CCDC14: variants seen among roughly 807,000 people sequenced by gnomAD.
CCDC14 encodes the protein coiled-coil domain containing 14.
A neutral mutation model predicts 81.4 loss-of-function variants in CCDC14; 71 were observed. The observed-to-expected ratio is 0.87, with a 90% CI of 0.72 to 1.06. CCDC14 has a LOEUF of 1.06. Ranked by LOEUF, CCDC14 falls within the 50% of genes least tolerant of loss-of-function variation. The probability of loss-of-function intolerance (pLI) is 0.00; values close to 1 mark genes in which losing one functional copy is unlikely to be tolerated. For synonymous variants in CCDC14, 332 were observed against 364.8 expected (o/e 0.91, Z 1.03); for missense variants, 1,046 against 1,047.3 (o/e 1.00, Z 0.02).
chr3:123,898,250 AT>A (rs1322064114), intron 5 of CCDC14, among the ~76,000 whole-genome samples: 2 of 152,254 alleles, frequency 1.3e-5, no homozygotes, highest in Admixed American at 6.5e-5. Context: ...CATCCACTTC[AT>A]AAGGTTGTTG....
chr3:123,889,426 G>A, the CCDC14 span, among the ~76,000 whole-genome samples: 5 of 152,034 alleles, frequency 3.3e-5, no homozygotes, highest in African/African-American at 7.2e-5. Flanking sequence ...AAAAAAAAGG[G>A]AGAAATTGAC....
At chr3:123,942,953 G>C (rs1260031310) in intron 9 of CCDC14, among the ~76,000 whole-genome samples, 2 of 151,936 alleles carry the variant, frequency 1.3e-5, no homozygotes, top group African/African-American at 4.8e-5. Context: ...TTTTTTCTAT[G>C]TCTAAGTGTG....
chr3:123,886,133 C>G, the CCDC14 span, among the ~76,000 whole-genome samples: 1 of 151,006 alleles, frequency 6.6e-6, no homozygotes, highest in South Asian at 2.1e-4. Context: ...TGATAAGATT[C>G]TAGTAGTCTT....
At chr3:123,938,680 C>T (rs1251852012) in intron 9 of CCDC14, among the ~76,000 whole-genome samples, 3 of 151,836 alleles carry the variant, frequency 2.0e-5, no homozygotes, top group African/African-American at 7.3e-5. Flanking sequence ...TTCATACATT[C>T]TCCAGCATAT....
chr3:123,931,073 A>G (rs766472473), intron 12 of CCDC14, 29 bp downstream of exon 12: 2 of 1,533,380 alleles, frequency 1.3e-6, no homozygotes, highest in Non-Finnish European at 1.7e-6. Flanking sequence ...TAAAAAAGGC[A>G]TGAGTTATTC....
chr3:123,941,068 T>G (rs929034229), intron 9 of CCDC14, among the ~76,000 whole-genome samples: 2 of 152,046 alleles, frequency 1.3e-5, no homozygotes, highest in Non-Finnish European at 2.9e-5. Context: ...GGTCTCATAG[T>G]TGAGTTTAAT....
Position 123,914,554 on chromosome 3 carries a change from T to C in CCDC14, c.*225A>G. 1 of 1,209,490 alleles carries C rather than the reference T, an allele frequency of 8.3e-7. No homozygotes were observed. The highest frequency in any genetic ancestry group is 1.0e-6 in the Non-Finnish European group (1 of 971,970). The allele number at this position is 1,209,490 out of a possible 1,614,324, so 74.9% of individuals were successfully genotyped here. A position where few individuals can be genotyped will look rare whatever the true frequency, so the allele number is the denominator to read the frequency against. On this transcript the variant is annotated 3_prime_UTR_variant, in exon 13 of 13. Coordinates refer to ENST00000409697, the MANE Select transcript of CCDC14 (RefSeq NM_001366335.1). Reference sequence around the variant, plus strand: ...AAATAAAACATTACTTACAATAATTTCCTAGTTATCCACAACTTTCTTCTT... The same window carrying C: ...AAATAAAACATTACTTACAATAATTCCCTAGTTATCCACAACTTTCTTCTT...
chr3:123,946,753 T>C, intron 8 of CCDC14, 50 bp downstream of exon 8: 1 of 1,476,406 alleles, frequency 6.8e-7, no homozygotes, highest in Middle Eastern at 1.8e-4. Flanking sequence ...TAACATGACA[T>C]TGCTATTTAG....
chr3:123,893,804 A>C (rs1234019926), downstream of CCDC14, among the ~76,000 whole-genome samples: 3 of 152,124 alleles, frequency 2.0e-5, no homozygotes, highest in African/African-American at 7.2e-5. Context: ...TTTGATTTGC[A>C]TTACCCTAAT....
intron 10 of CCDC14, among the ~76,000 whole-genome samples, chr3:123,932,801 A>G (rs1165309841): frequency 6.6e-6 from 1 of 152,162 alleles, no homozygotes. Flanking sequence ...CTATAAATCT[A>G]TCCTACAAAA....
chr3:123,928,267 G>A (rs980053606), intron 12 of CCDC14, among the ~76,000 whole-genome samples: 2 of 150,928 alleles, frequency 1.3e-5, no homozygotes, highest in South Asian at 2.1e-4. Context: ...GGAGGCTGAG[G>A]CTGGTGGATC....
At chr3:123,902,387 G>A (rs950554991) in intron 5 of CCDC14, among the ~76,000 whole-genome samples, 3 of 152,326 alleles carry the variant, frequency 2.0e-5, no homozygotes, top group South Asian at 2.1e-4. Flanking sequence ...CCAACATCAC[G>A]AAGAGGGAGA....
intron 9 of CCDC14, among the ~76,000 whole-genome samples, chr3:123,941,065 T>G (rs747461700): frequency 2.0e-5 from 3 of 152,016 alleles, no homozygotes; most frequent in African/African-American, 7.2e-5. Flanking sequence ...AATGGTCTCA[T>G]AGTTGAGTTT....
rs78315512 is a variant in CCDC14, at chr3:123,906,783, A to T, written c.668-9170T>A. On this transcript the variant is annotated intron_variant, in intron 5 of 5. Coordinates refer to the CCDC14 transcript ENST00000479903. ...GCTGGGAGGCAATAGTGTAGTAAGT[A>T]AAGTGCTGAAGGGAGGACAAGTTTG... Among the ~76,000 whole-genome samples, 451 of 152,348 alleles carry T rather than the reference A, an allele frequency of 3.0e-3. 2 individuals carry two copies. Among genetic ancestry groups the T allele is most frequent in the African/African-American group, 1.0e-2 (414 of 41,580 alleles).
At chr3:123,897,308 C>T (rs2034080073), downstream of CCDC14, 1 of 152,810 alleles carries the variant, frequency 6.5e-6, no homozygotes, top group Non-Finnish European at 1.5e-5. Context: ...GGGCATCTTT[C>T]AGGAAAAGAC....
chr3:123,920,766 T>G (rs2034999335), intron 12 of CCDC14, among the ~76,000 whole-genome samples: 1 of 152,204 alleles, frequency 6.6e-6, no homozygotes, highest in African/African-American at 2.4e-5. Flanking sequence ...CTCAATGGTA[T>G]AACACATAAT....
chr3:123,937,736 A>G (rs938932373), intron 9 of CCDC14, among the ~76,000 whole-genome samples: 3 of 151,806 alleles, frequency 2.0e-5, no homozygotes, highest in East Asian at 1.9e-4. Flanking sequence ...ATCTTTCCCA[A>G]TCCAAAATCC....
At chr3:123,954,471 A>G (rs1336422229) in intron 5 of CCDC14, 3 of 152,238 alleles carry the variant, frequency 2.0e-5, no homozygotes, top group African/African-American at 7.2e-5. Flanking sequence ...ATGCTGTCCA[A>G]TAGAAATATA....
chr3:123,928,676 T>C (rs753653984), intron 12 of CCDC14, among the ~76,000 whole-genome samples: 3 of 152,212 alleles, frequency 2.0e-5, no homozygotes, highest in South Asian at 2.1e-4. Flanking sequence ...TTAATGTTTG[T>C]TGAATAAACA....
Sources: gnomAD v4.1 joint callset for allele counts (sites outside exome capture counted in the v4.1 genomes callset) on GRCh38, gnomAD v4.1.1 for gene constraint, MANE v1.5 for transcripts, NCBI Gene and HGNC (gene_info 2026-07-23, HGNC 2026-07-21) for gene names.